The following PPP3CC variants were observed in gnomAD, a reference collection of about 807,000 sequenced individuals.
The protein encoded by PPP3CC is serine/threonine-protein phosphatase 2B catalytic subunit gamma isoform.
In PPP3CC, 35 loss-of-function variants were observed where a neutral mutation model predicts 60.3. The ratio of observed to expected loss-of-function variants is 0.58; its 90% CI spans 0.44 to 0.77. PPP3CC has a LOEUF of 0.77. Among genes scored for constraint, PPP3CC ranks in the 30% least tolerant of loss-of-function variants. The probability of loss-of-function intolerance (pLI) is 0.00; values close to 1 mark genes in which losing one functional copy is unlikely to be tolerated. For synonymous variants in PPP3CC, 206 were observed against 224.3 expected (o/e 0.92, Z 0.73); for missense variants, 570 against 628.9 (o/e 0.91, Z 1.00).
chr8:22,537,380 G>A (rs1839867216), intron 12 of PPP3CC, among the ~76,000 whole-genome samples: 1 of 152,172 alleles, frequency 6.6e-6, no homozygotes, highest in Non-Finnish European at 1.5e-5. Flanking sequence ...TCAGTAGGAT[G>A]GCTGTGAAAA....
intron 1 of PPP3CC, among the ~76,000 whole-genome samples, chr8:22,463,260 T>A (rs773516032): frequency 6.6e-6 from 1 of 152,260 alleles, no homozygotes; most frequent in African/African-American, 2.4e-5. Flanking sequence ...TTTTATCTTC[T>A]GCTTCTGGAC....
intron 8 of PPP3CC, among the ~76,000 whole-genome samples, chr8:22,523,184 T>C (rs375953794): frequency 2.8e-4 from 43 of 152,146 alleles, no homozygotes; most frequent in African/African-American, 1.0e-3. Context: ...AGTGACCTAG[T>C]GTACAAAGTC....
intron 8 of PPP3CC, among the ~76,000 whole-genome samples, chr8:22,523,202 A>T (rs890833309): frequency 6.6e-6 from 1 of 152,176 alleles, no homozygotes; most frequent in Non-Finnish European, 1.5e-5. Flanking sequence ...GTCAAAAAAA[A>T]ACCTTCATTT....
At chr8:22,455,481 A>G (rs564695129) in intron 1 of PPP3CC, among the ~76,000 whole-genome samples, 2 of 152,278 alleles carry the variant, frequency 1.3e-5, no homozygotes, top group East Asian at 3.9e-4. Context: ...GTGTGTGCCT[A>G]CGTATGTTTT....
intron 3 of PPP3CC, among the ~76,000 whole-genome samples, chr8:22,489,838 T>C (rs1792345260): frequency 6.7e-6 from 1 of 148,578 alleles, no homozygotes. Flanking sequence ...ATTCACTAAT[T>C]TGAGATGGAG....
At chr8:22,511,057 T>C in intron 4 of PPP3CC, 29 bp from the exon 5 acceptor site, 1 of 1,610,728 alleles carries the variant, frequency 6.2e-7, no homozygotes, top group Non-Finnish European at 8.5e-7. Context: ...TTTTAGTTCT[T>C]CCATTGACTG....
chr8:22,451,217 C>T (rs191685686), intron 1 of PPP3CC, among the ~76,000 whole-genome samples: 561 of 151,164 alleles, frequency 3.7e-3, no homozygotes, highest in African/African-American at 0.012. Context: ...CTCACTGCAA[C>T]CTCCGCCTCC....
At chr8:22,442,184 AG>A (rs1374756623) in intron 1 of PPP3CC, among the ~76,000 whole-genome samples, 3 of 152,212 alleles carry the variant, frequency 2.0e-5, no homozygotes, top group Non-Finnish European at 4.4e-5. Context: ...CTTTAAACTA[AG>A]AAGATGGATT....
In PPP3CC at chr8:22,462,975, C is replaced by G. The variant is rs1343413094; in HGVS notation, c.50-11979C>G. Among the ~76,000 whole-genome samples the G allele has an allele frequency of 2.0e-5, 3 of 152,192 alleles. No individual in the cohort carries two copies. The East Asian group carries it at 5.8e-4, about 29-fold the overall frequency. ...TAATCTATTTGGATTTTCCTTTGGG[C>G]AACCAAATATATTTTTTTTCCTTTA... On this transcript the variant is annotated intron_variant, in intron 1 of 13. Transcript: ENST00000240139.
intron 6 of PPP3CC, among the ~76,000 whole-genome samples, chr8:22,520,118 T>C (rs1458240036): frequency 1.3e-5 from 2 of 152,084 alleles, no homozygotes; most frequent in Non-Finnish European, 2.9e-5. Flanking sequence ...AGGTTTTTTT[T>C]TCTTTCTTTT....
At chr8:22,540,524 A>G in intron 13 of PPP3CC, 91 bp from the exon 14 acceptor site, 1 of 1,248,350 alleles carries the variant, frequency 8.0e-7, no homozygotes, top group Non-Finnish European at 1.1e-6. Context: ...GTGTTTCTCT[A>G]GGAGGTTGCT....
rs928334193 is a variant in PPP3CC, at chr8:22,441,356, G to A, written c.-54G>A. The stretch of plus-strand genomic sequence containing the variant: ...TGCCCGAGGAGAAGGCGGCGGCCGC[G>A]GCGTAGGCGCACGTCCGGCGGGCTC... On this transcript the variant is annotated 5_prime_UTR_variant, in exon 1 of 14. Coordinates refer to ENST00000240139, the MANE Select transcript of PPP3CC (RefSeq NM_005605.5). The A allele has an allele frequency of 2.0e-6, 3 of 1,501,944 alleles. No homozygotes were observed. Among genetic ancestry groups the A allele is most frequent in the African/African-American group, 1.5e-5 (1 of 68,728 alleles). The allele number at this position is 1,501,944 out of a possible 1,614,324, so 93.0% of individuals were successfully genotyped here.
rs753401907 is a variant in PPP3CC, at chr8:22,451,458, G to A, written c.49+10000G>A. 3.9e-5 allele frequency among the ~76,000 whole-genome samples: 6 copies of A among 152,176 alleles called. No individual in the cohort carries two copies. In the South Asian group the frequency reaches 1.2e-3, roughly 32 times the overall value. ...GCCCCCAGCCTCCTTTAATACTACA[G>A]GTTGAGTGTTCCTAATCCAAAATCT... On this transcript the variant is annotated intron_variant, in intron 1 of 13. Coordinates refer to ENST00000240139, the MANE Select transcript of PPP3CC (RefSeq NM_005605.5).
chr8:22,459,894 G>T (rs536420250), intron 1 of PPP3CC, among the ~76,000 whole-genome samples: 2 of 152,218 alleles, frequency 1.3e-5, no homozygotes, highest in Admixed American at 1.3e-4. Context: ...CATAAACGCT[G>T]ACAATTGGAC....
At chr8:22,508,794 GTT>G (rs1838999615) in intron 4 of PPP3CC, among the ~76,000 whole-genome samples, 1 of 152,152 alleles carries the variant, frequency 6.6e-6, no homozygotes, top group Non-Finnish European at 1.5e-5. Context: ...AAATTAAAGA[GTT>G]TTCTGTTTGT....
intron 1 of PPP3CC, among the ~76,000 whole-genome samples, chr8:22,444,327 A>G (rs989295586): frequency 1.3e-5 from 2 of 152,196 alleles, no homozygotes; most frequent in Non-Finnish European, 2.9e-5. Context: ...AGCCTGGGTC[A>G]TGCAAGTGAC....
chr8:22,444,760 A>G (rs9785088), intron 1 of PPP3CC, among the ~76,000 whole-genome samples: 27,755 of 152,248 alleles, frequency 0.18, 4,812 homozygotes, highest in African/African-American at 0.46. Flanking sequence ...GTGAGCCTTT[A>G]GAGCAGTTTA....
In PPP3CC at chr8:22,445,363, G is replaced by A. The variant is rs575760689; in HGVS notation, c.49+3905G>A. Among the ~76,000 whole-genome samples the A allele has an allele frequency of 1.3e-3, 196 of 152,074 alleles. 1 individual carries two copies. The highest frequency in any genetic ancestry group is 2.3e-3 in the Non-Finnish European group (159 of 67,984). ...TTTTTATATCCATAATGGATTTACC[G>A]AGGGTTTAAAATTTTTTCTCTTAAA... On this transcript the variant is annotated intron_variant, in intron 1 of 13. Transcript: ENST00000240139.
intron 1 of PPP3CC, among the ~76,000 whole-genome samples, chr8:22,461,405 AGC>A (rs1189351123): frequency 1.3e-5 from 2 of 152,206 alleles, no homozygotes; most frequent in Non-Finnish European, 2.9e-5. Context: ...GGTAAGTTCC[AGC>A]AGTATTGGAT....
Sources: gnomAD v4.1 joint callset for allele counts (sites outside exome capture counted in the v4.1 genomes callset) on GRCh38, gnomAD v4.1.1 for gene constraint, MANE v1.5 for transcripts, NCBI Gene and HGNC (gene_info 2026-07-23, HGNC 2026-07-21) for gene names.